CPED1: variants seen among roughly 807,000 people sequenced by gnomAD.
CPED1 encodes cadherin like and PC-esterase domain containing 1, also known as cadherin-like and PC-esterase domain-containing protein 1.
A neutral mutation model predicts 128.2 loss-of-function variants in CPED1; 114 were observed. That is an observed-to-expected ratio of 0.89 (90% CI 0.76 to 1.04). CPED1 has a LOEUF of 1.04. Among genes scored for constraint, CPED1 ranks in the 50% least tolerant of loss-of-function variants. The pLI is 0.00. For synonymous variants in CPED1, 462 were observed against 426.7 expected (o/e 1.08, Z -1.02); for missense variants, 1,211 against 1,207.1 (o/e 1.00, Z -0.05).
At chr7:121,200,240 T>C (rs568394821) in intron 16 of CPED1, among the ~76,000 whole-genome samples, 1 of 152,194 alleles carries the variant, frequency 6.6e-6, no homozygotes, top group East Asian at 1.9e-4. Context: ...TCCTATAAGG[T>C]ATTATGTAAA....
At chr7:121,037,227 G>A (rs1285363013) in intron 3 of CPED1, among the ~76,000 whole-genome samples, 1 of 152,106 alleles carries the variant, frequency 6.6e-6, no homozygotes, top group Non-Finnish European at 1.5e-5. Flanking sequence ...CTAATGTCTA[G>A]AAGGGTTTTT....
chr7:121,009,906 C>T (rs1007146458), intron 2 of CPED1, among the ~76,000 whole-genome samples: 25 of 152,014 alleles, frequency 1.6e-4, no homozygotes, highest in Admixed American at 1.2e-3. Flanking sequence ...AGATTTTTTT[C>T]CACCTAATAG....
At chr7:121,215,195 G>C (rs1055305019) in intron 16 of CPED1, among the ~76,000 whole-genome samples, 5 of 151,950 alleles carry the variant, frequency 3.3e-5, no homozygotes, top group Non-Finnish European at 7.4e-5. Context: ...GAAGCCTAGT[G>C]TCCCAGCTCC....
chr7:121,288,843 C>T (rs1329221947), intron 22 of CPED1, among the ~76,000 whole-genome samples: 1 of 152,096 alleles, frequency 6.6e-6, no homozygotes, highest in East Asian at 1.9e-4. Context: ...CTTATTTTGG[C>T]TTCAGAACAC....
chr7:121,190,391 C>CAAA (rs368606501), intron 16 of CPED1, among the ~76,000 whole-genome samples: 4,128 of 97,038 alleles, frequency 0.043, 264 homozygotes, highest in African/African-American at 0.13. Context: ...GACTCTGTAT[C>CAAA]AAAAAAAAAA....
At chr7:121,001,826 C>T (rs1002995560) in intron 2 of CPED1, among the ~76,000 whole-genome samples, 5 of 152,052 alleles carry the variant, frequency 3.3e-5, no homozygotes, top group Admixed American at 6.6e-5. Flanking sequence ...GATTGAAATG[C>T]CTGTCACAGA....
intron 5 of CPED1, among the ~76,000 whole-genome samples, chr7:121,094,679 A>G (rs1794656850): frequency 6.6e-6 from 1 of 152,202 alleles, no homozygotes; most frequent in Admixed American, 6.6e-5. Flanking sequence ...ACAATGTCAC[A>G]AGCCTATTAA....
chr7:121,161,191 C>T (rs1796406092), intron 16 of CPED1, among the ~76,000 whole-genome samples: 1 of 152,120 alleles, frequency 6.6e-6, no homozygotes, highest in Non-Finnish European at 1.5e-5. Flanking sequence ...GTTCTCTGCT[C>T]AGAGCTCAAA....
intron 5 of CPED1, among the ~76,000 whole-genome samples, chr7:121,075,812 C>A (rs1396702049): frequency 6.6e-6 from 1 of 152,076 alleles, no homozygotes; most frequent in African/African-American, 2.4e-5. Flanking sequence ...CATGGCATAT[C>A]TTTTTCTTAA....
At chr7:121,099,022 A>AT (rs1794774479) in intron 6 of CPED1, among the ~76,000 whole-genome samples, 1 of 150,668 alleles carries the variant, frequency 6.6e-6, no homozygotes, top group Non-Finnish European at 1.5e-5. Context: ...TGTTTTTTTA[A>AT]TTTTTTTAAT....
intron 22 of CPED1, among the ~76,000 whole-genome samples, chr7:121,292,600 T>A (rs944920759): frequency 1.3e-5 from 2 of 152,118 alleles, no homozygotes. Flanking sequence ...AGAGGCATTC[T>A]GGTTTTTGGA....
chr7:121,191,096 G>A (rs1226945229), intron 16 of CPED1, among the ~76,000 whole-genome samples: 1 of 152,112 alleles, frequency 6.6e-6, no homozygotes, highest in African/African-American at 2.4e-5. Context: ...GAGAATTAAT[G>A]GAATGAGGAA....
At chr7:121,068,328 C>T (rs1793901780) in intron 5 of CPED1, among the ~76,000 whole-genome samples, 1 of 152,136 alleles carries the variant, frequency 6.6e-6, no homozygotes. Flanking sequence ...CAGCTTTCTA[C>T]ATATGGCTAG....
Position 121,295,711 on chromosome 7 carries a change from T to G in CPED1, c.*59T>G. ...GACGAGCTAGTCACCCGGACAATGGTCTAGGAGCCAAGCGCTGCACATCGC... is the reference window on the plus strand; with the variant it reads ...GACGAGCTAGTCACCCGGACAATGGGCTAGGAGCCAAGCGCTGCACATCGC... On this transcript the variant is annotated 3_prime_UTR_variant, in exon 23 of 23. Transcript: ENST00000310396. The G allele has an allele frequency of 6.8e-7, 1 of 1,466,594 alleles. No individual in the cohort carries two copies. The highest frequency in any genetic ancestry group is 2.3e-5 in the East Asian group (1 of 43,986). 90.8% of individuals were successfully genotyped at this position (1,466,594 alleles called of 1,614,324 possible). A position where few individuals can be genotyped will look rare whatever the true frequency, so the allele number is the denominator to read the frequency against.
At chr7:121,155,150 C>T (rs1248589866) in intron 16 of CPED1, among the ~76,000 whole-genome samples, 1 of 152,034 alleles carries the variant, frequency 6.6e-6, no homozygotes, top group Non-Finnish European at 1.5e-5. Context: ...AACTAGGAAT[C>T]AATCTAACTA....
At chr7:121,033,502 T>C (rs948313222) in intron 3 of CPED1, among the ~76,000 whole-genome samples, 1 of 152,212 alleles carries the variant, frequency 6.6e-6, no homozygotes, top group African/African-American at 2.4e-5. Context: ...CCTACACACT[T>C]TAAAAATATT....
At chr7:121,192,635 C>T (rs1455471075) in intron 16 of CPED1, among the ~76,000 whole-genome samples, 1 of 32,002 alleles carries the variant, frequency 3.1e-5, no homozygotes, top group African/African-American at 9.1e-5. Flanking sequence ...TAAATAACTG[C>T]AGGTCAGGCT....
intron 16 of CPED1, among the ~76,000 whole-genome samples, chr7:121,234,400 C>T (rs1422562265): frequency 2.6e-5 from 4 of 151,974 alleles, no homozygotes; most frequent in Non-Finnish European, 5.9e-5. Context: ...TTGAACACAA[C>T]ATCTCAGTCT....
At chr7:121,050,683 T>C in intron 4 of CPED1, 1 of 386,760 alleles carries the variant, frequency 2.6e-6, no homozygotes, top group South Asian at 1.9e-5. Flanking sequence ...CAGGTTGGTC[T>C]TGAACTCCTG....
Sources: gnomAD v4.1 joint callset for allele counts (sites outside exome capture counted in the v4.1 genomes callset) on GRCh38, gnomAD v4.1.1 for gene constraint, MANE v1.5 for transcripts, NCBI Gene and HGNC (gene_info 2026-07-23, HGNC 2026-07-21) for gene names.